The following MTMR3 variants were observed in gnomAD, a reference collection of about 807,000 sequenced individuals.
MTMR3 encodes phosphatidylinositol-3,5-bisphosphate 3-phosphatase MTMR3.
MTMR3 carries 32 observed loss-of-function variants against 132.4 expected under a neutral mutation model. That is an observed-to-expected ratio of 0.24 (90% confidence interval 0.18 to 0.32). The LOEUF (loss-of-function observed/expected upper bound fraction) is 0.32. Ranked by LOEUF, MTMR3 falls within the 10% of genes least tolerant of loss-of-function variation. MTMR3 has a pLI of 1.00. For synonymous variants in MTMR3, 556 were observed against 550.3 expected (o/e 1.01, Z -0.14); for missense variants, 1,216 against 1,489.6 (o/e 0.82, Z 3.02).
chr22:29,949,132 CACACACACACA>C (rs1569019590), intron 1 of MTMR3, among the ~76,000 whole-genome samples: 12 of 41,884 alleles, frequency 2.9e-4, no homozygotes, highest in East Asian at 5.9e-4. Context: ...CACACACACA[CACACACACACA>C]CCCCCCCCCC....
chr22:29,910,706 C>T (rs921246781), intron 1 of MTMR3, among the ~76,000 whole-genome samples: 1 of 150,676 alleles, frequency 6.6e-6, no homozygotes, highest in Admixed American at 6.6e-5. Flanking sequence ...ACTTTTATGC[C>T]TCTTTTCCTT....
rs538745627 is a variant in MTMR3 at position 29,940,354 on chromosome 22, C to G, written c.-137-16682C>G. 1.4e-4 allele frequency among the ~76,000 whole-genome samples: 20 copies of G among 139,952 alleles called. 1 individual carries two copies. The highest frequency in any genetic ancestry group is 6.7e-4 in the African/African-American group (20 of 29,994). The allele number at this position is 139,952 out of a possible 152,430, so 91.8% of individuals were successfully genotyped here. ...CACCCCCTGCCCACAAAAATTTGTT[C>G]CTAATTCCACTGCCTATCCCAAACC... On this transcript the variant is annotated intron_variant, in intron 1 of 19. Transcript: ENST00000401950.
chr22:29,971,630 T>G (rs2066538368), intron 3 of MTMR3, among the ~76,000 whole-genome samples: 1 of 152,176 alleles, frequency 6.6e-6, no homozygotes, highest in African/African-American at 2.4e-5. Context: ...TTCCCTGTTT[T>G]GTCTCTTTAA....
rs553706972 is a variant in MTMR3, at chr22:30,020,020, T to C, written c.2361T>C (p.Asp787=). The C allele has an allele frequency of 6.2e-7, 1 of 1,614,142 alleles. No homozygotes were observed. The highest frequency in any genetic ancestry group is 2.2e-5 in the East Asian group (1 of 44,876). The part of the protein sequence containing the change: ...SSLQVPPRGE[D]SLEVPVEQFR... Reference sequence around the variant, plus strand: ...TCCAGGTCCCCCCCAGGGGAGAGGATTCCCTGGAGGTCCCTGTGGAGCAGT... The same window carrying C: ...TCCAGGTCCCCCCCAGGGGAGAGGACTCCCTGGAGGTCCCTGTGGAGCAGT... The change falls in exon 17 of 20, where the codon GAT becomes GAC. Residue 787 remains aspartate (D), a synonymous_variant. Transcript: ENST00000401950.
In MTMR3 at chr22:29,978,449, A is replaced by G; in HGVS notation, c.11A>G (p.Glu4Gly). Residue 4 changes from glutamate (E) to glycine (G), a missense_variant, in exon 4 of 20, where the codon GAG (glutamate) becomes GGG (glycine). Around this residue, in one of 7 missense-constraint regions of MTMR3, gnomAD observed 81 missense variants for 87.7 expected, o/e 0.92. Coordinates refer to ENST00000401950, the MANE Select transcript of MTMR3 (RefSeq NM_021090.4). ...GGTTTTGGACTTTTCCAGGATGAAG[A>G]GACTCGGCACAGCCTTGAGTGCATC... is the stretch of plus-strand genomic sequence containing the variant. The part of the protein sequence containing the change: MDE[E>G]TRHSLECIQA... 1 of 1,611,686 alleles carries G rather than the reference A, an allele frequency of 6.2e-7. No individual in the cohort carries two copies. The highest frequency in any genetic ancestry group is 1.3e-5 in the African/African-American group (1 of 74,990).
intron 13 of MTMR3, 154 bp downstream of exon 13, chr22:30,012,717 G>A: frequency 1.3e-6 from 1 of 763,818 alleles, no homozygotes; most frequent in Non-Finnish European, 2.0e-6. Context: ...AAATTGTGGT[G>A]GTTCCTCCCA....
chr22:29,939,855 C>T (rs2145808269), intron 1 of MTMR3, among the ~76,000 whole-genome samples: 1 of 152,260 alleles, frequency 6.6e-6, no homozygotes, highest in Admixed American at 6.5e-5. Flanking sequence ...TGGCCTGAAG[C>T]AACTGAAGAA....
chr22:29,962,935 G>A (rs1316858847), intron 2 of MTMR3, among the ~76,000 whole-genome samples: 5 of 147,068 alleles, frequency 3.4e-5, no homozygotes, highest in African/African-American at 7.5e-5. Flanking sequence ...TTGAGACAGG[G>A]TCTCACTCTG....
intron 1 of MTMR3, among the ~76,000 whole-genome samples, chr22:29,949,126 CACA>C (rs2066010033): frequency 2.5e-5 from 1 of 40,136 alleles, no homozygotes; most frequent in African/African-American, 1.2e-4. Flanking sequence ...CACACACACA[CACA>C]CACACACACA....
At chr22:29,954,059 CTTTTTTTTTTT>C (rs59781649) in intron 1 of MTMR3, among the ~76,000 whole-genome samples, 956 of 79,474 alleles carry the variant, frequency 0.012, 20 homozygotes, top group African/African-American at 0.047. Flanking sequence ...TCAAATGAGT[CTTTTTTTTTTT>C]TTTTTTTTTT....
intron 7 of MTMR3, chr22:29,993,683 CT>C: frequency 6.6e-6 from 1 of 152,276 alleles, no homozygotes; most frequent in Middle Eastern, 3.4e-3. Flanking sequence ...ATTTGAGTTT[CT>C]TTTAGATTTC....
chr22:29,932,775 T>C (rs1602502286), intron 1 of MTMR3, among the ~76,000 whole-genome samples: 1 of 152,300 alleles, frequency 6.6e-6, no homozygotes, highest in East Asian at 1.9e-4. Flanking sequence ...CTATGTTATG[T>C]GAAAATAATA....
intron 1 of MTMR3, among the ~76,000 whole-genome samples, chr22:29,935,355 C>G (rs1159546265): frequency 6.6e-6 from 1 of 152,096 alleles, no homozygotes; most frequent in Non-Finnish European, 1.5e-5. Flanking sequence ...GTGACTTGCT[C>G]AAGATTACAG....
intron 5 of MTMR3, chr22:29,987,510 T>C (rs1427082794): frequency 6.6e-6 from 1 of 152,262 alleles, no homozygotes; most frequent in Non-Finnish European, 1.5e-5. Context: ...CCACTCCTTT[T>C]TCAAGGAGTA....
chr22:30,023,768 C>G (rs2067830252), intron 19 of MTMR3: 5 of 447,662 alleles, frequency 1.1e-5, no homozygotes, highest in Non-Finnish European at 8.1e-6. Flanking sequence ...TGTAGGGGAA[C>G]CAGTTGGGTT....
At position 30,020,626 on chromosome 22, in the gene MTMR3, GCAC is replaced by G. The variant is rs758527262; in HGVS notation, c.2971_2973del (p.His991del). On this transcript the variant is annotated inframe_deletion, in exon 17 of 20. Transcript: ENST00000401950. ...CTGCCCACTTACACTCAAGGAACTTGCACCACAAGTGGCTGCATAGCCACTCAG... is the reference window on the plus strand; with the variant it reads ...CTGCCCACTTACACTCAAGGAACTTGCACAAGTGGCTGCATAGCCACTCAG... 2.5e-6 allele frequency: 4 copies of G among 1,614,050 alleles called. No homozygotes were observed. Among genetic ancestry groups the G allele is most frequent in the Non-Finnish European group, 3.4e-6 (4 of 1,180,032 alleles).
At chr22:30,007,800 T>C (rs2067305758) in intron 10 of MTMR3, 101 bp from the exon 11 acceptor site, 2 of 1,402,988 alleles carry the variant, frequency 1.4e-6, no homozygotes, top group Non-Finnish European at 1.9e-6. Flanking sequence ...TTCATTTTAT[T>C]GAGCCTTTTT....
chr22:29,953,267 A>C (rs1035509070), intron 1 of MTMR3, among the ~76,000 whole-genome samples: 2 of 152,186 alleles, frequency 1.3e-5, no homozygotes, highest in African/African-American at 4.8e-5. Context: ...AGTACCCCTC[A>C]ACATTTTAGG....
At chr22:29,932,397 T>TA (rs1177956389) in intron 1 of MTMR3, among the ~76,000 whole-genome samples, 1 of 152,220 alleles carries the variant, frequency 6.6e-6, no homozygotes, top group East Asian at 1.9e-4. Flanking sequence ...GTTTCATAGT[T>TA]AAAGTTCTTT....
Sources: gnomAD v4.1 joint callset for allele counts (sites outside exome capture counted in the v4.1 genomes callset) on GRCh38, gnomAD v4.1.1 for gene constraint, gnomAD v4.1.1 regional missense constraint, MANE v1.5 for transcripts, NCBI Gene and HGNC (gene_info 2026-07-23, HGNC 2026-07-21) for gene names.